MYH10: variants seen among roughly 807,000 people sequenced by gnomAD.
MYH10 encodes myosin-10.
MYH10 carries 55 observed loss-of-function variants against 257.8 expected under a neutral mutation model. That is an observed-to-expected ratio of 0.21 (90% CI 0.17 to 0.27). The LOEUF is 0.27. Among genes scored for constraint, MYH10 ranks in the 10% least tolerant of loss-of-function variants. The pLI is 1.00. For synonymous variants in MYH10, 854 were observed against 921.7 expected (o/e 0.93, Z 1.33); for missense variants, 1,631 against 2,500.6 (o/e 0.65, Z 7.42).
At chr17:8,588,938 A>G (rs1414645555) in intron 4 of MYH10, 143 bp downstream of exon 4, 7 of 778,094 alleles carry the variant, frequency 9.0e-6, no homozygotes, top group South Asian at 1.6e-5. Flanking sequence ...CAACTTACAT[A>G]ATCTTAGTCT....
chr17:8,518,104 C>CGTGTGTGTGTGTGTGTGTGTGT (rs58352961), intron 21 of MYH10, among the ~76,000 whole-genome samples: 1 of 116,516 alleles, frequency 8.6e-6, no homozygotes, highest in Non-Finnish European at 1.7e-5. Flanking sequence ...CCCTTGGCCC[C>CGTGTGTGTGTGTGTGTGTGTGT]GTGTGTGTGT....
chr17:8,478,552 G>T, intron 40 of MYH10, 106 bp from the exon 41 acceptor site: 1 of 978,682 alleles, frequency 1.0e-6, no homozygotes, highest in Middle Eastern at 2.1e-4. Flanking sequence ...ACATGGTGGA[G>T]GCATTATGGA....
chr17:8,609,118 A>G (rs1025288178), intron 2 of MYH10, among the ~76,000 whole-genome samples: 1 of 152,216 alleles, frequency 6.6e-6, no homozygotes, highest in Non-Finnish European at 1.5e-5. Context: ...GCCGATTGGG[A>G]AATTTTTCAG....
intron 1 of MYH10, among the ~76,000 whole-genome samples, chr17:8,629,341 C>T (rs1026041045): frequency 6.1e-5 from 9 of 148,120 alleles, no homozygotes; most frequent in Non-Finnish European, 8.9e-5. Flanking sequence ...TCCCCTACCC[C>T]ACCCCAGCCC....
chr17:8,541,755 T>A (rs2082295170), intron 14 of MYH10, among the ~76,000 whole-genome samples: 1 of 152,158 alleles, frequency 6.6e-6, no homozygotes. Flanking sequence ...CACGTCTTGT[T>A]CTCAGCTAAA....
intron 24 of MYH10, chr17:8,511,220 TAAACA>T (rs2081284005): frequency 6.6e-6 from 1 of 151,690 alleles, no homozygotes; most frequent in African/African-American, 2.4e-5. Context: ...AAAAAAAAGT[TAAACA>T]AAACAAAACC....
At chr17:8,514,553 C>T (rs1013956398) in intron 21 of MYH10, among the ~76,000 whole-genome samples, 3 of 152,112 alleles carry the variant, frequency 2.0e-5, no homozygotes, top group Non-Finnish European at 2.9e-5. Flanking sequence ...GGGTCTGAGA[C>T]CCAGTTCCCA....
At chr17:8,514,181 C>T (rs1027317644) in intron 21 of MYH10, among the ~76,000 whole-genome samples, 1 of 152,158 alleles carries the variant, frequency 6.6e-6, no homozygotes, top group Non-Finnish European at 1.5e-5. Flanking sequence ...AGCCATATAC[C>T]CACACTGCGC....
intron 3 of MYH10, among the ~76,000 whole-genome samples, chr17:8,592,508 A>C (rs996587200): frequency 6.6e-5 from 10 of 152,166 alleles, no homozygotes; most frequent in South Asian, 2.1e-4. Flanking sequence ...TAATAAGAAA[A>C]TATTAAGAAT....
chr17:8,599,174 T>C (rs1405187537), intron 3 of MYH10, among the ~76,000 whole-genome samples: 2 of 152,222 alleles, frequency 1.3e-5, no homozygotes, highest in Non-Finnish European at 2.9e-5. Context: ...TATTGCACTG[T>C]GGTCAGAGAA....
rs1471016731 is a variant in MYH10 at position 8,589,071 on chromosome 17, A to T, written c.530+10T>A. The T allele has an allele frequency of 6.2e-7, 1 of 1,613,168 alleles. No individual in the cohort carries two copies. Among genetic ancestry groups the T allele is most frequent in the African/African-American group, 1.3e-5 (1 of 74,880 alleles). On this transcript the variant is annotated intron_variant, in intron 4 of 42. Coordinates refer to ENST00000360416, the MANE Select transcript of MYH10 (RefSeq NM_001256012.3). ...TCAAAAACAAATCTGAACATTCAAC[A>T]TTTACTTACGTGCAAAGAATTGACT...
rs150354457 is a variant in MYH10 at position 8,533,109 on chromosome 17, G to A, written c.1894+2278C>T. 3.4e-4 allele frequency among the ~76,000 whole-genome samples: 51 copies of A among 151,974 alleles called. No homozygotes were observed. In the East Asian group the frequency reaches 8.3e-3, roughly 25 times the overall value. ...CCTGTTTCCCAGGCATCATCTCCAC[G>A]CCCACTGTCATCTTCAGTCGCCCCA... On this transcript the variant is annotated intron_variant, in intron 16 of 42. Transcript: ENST00000360416.
At chr17:8,503,530 A>G (rs970306216) in intron 28 of MYH10, among the ~76,000 whole-genome samples, 4 of 152,024 alleles carry the variant, frequency 2.6e-5, no homozygotes, top group African/African-American at 9.7e-5. Context: ...CCTCAGTCTC[A>G]CTGCTCTATC....
At position 8,478,348 on chromosome 17, in the gene MYH10, T is replaced by C. The variant is rs369706442; in HGVS notation, c.5696A>G (p.Tyr1899Cys). The C allele has an allele frequency of 9.9e-6, 16 of 1,613,852 alleles. No homozygotes were observed. Among genetic ancestry groups the C allele is most frequent in the Non-Finnish European group, 1.4e-5 (16 of 1,179,874 alleles). ...VEDERRHADQ[Y>C]KEQMEKANAR... ...CACTTCCTCGCGTACCTGCTCTTTA[T>C]ACTGGTCCGCGTGTCGACGCTCATC... Residue 1899 changes from tyrosine (Y) to cysteine (C), a missense_variant, in exon 41 of 43, where the codon TAT (tyrosine) becomes TGT (cysteine). Around this residue, in one of 11 missense-constraint regions of MYH10, gnomAD observed 343 missense variants for 389.5 expected, o/e 0.88. Coordinates refer to ENST00000360416, the MANE Select transcript of MYH10 (RefSeq NM_001256012.3).
rs2081556660 is a variant in MYH10, at chr17:8,518,756, T to G, written c.2379A>C (p.Arg793Ser). 1 of 1,614,038 alleles carries G rather than the reference T, an allele frequency of 6.2e-7. No individual in the cohort carries two copies. Among genetic ancestry groups the G allele is most frequent in the Non-Finnish European group, 8.5e-7 (1 of 1,179,976 alleles). The change falls in exon 21 of 43, where the codon AGA (arginine) becomes AGC (serine). Residue 793 changes from arginine to serine, a missense_variant. Physicochemically the swap from Arg to Ser is moderately radical, Grantham distance 110. Around this residue, in one of 11 missense-constraint regions of MYH10, gnomAD observed 116 missense variants for 221.6 expected, o/e 0.52. Coordinates refer to ENST00000360416, the MANE Select transcript of MYH10 (RefSeq NM_001256012.3). ...RALELDPNLY[R>S]IGQSKIFFRA... ...TGAAAAATATCTTGCTCTGTCCAAT[T>G]CTGTACAAGTTTGGGTCCAATTCTA...
chr17:8,484,817 G>T (rs1453832378), intron 36 of MYH10, among the ~76,000 whole-genome samples: 2 of 152,066 alleles, frequency 1.3e-5, no homozygotes, highest in African/African-American at 4.8e-5. Context: ...TCTGATTAAG[G>T]GCATCAATGA....
At chr17:8,493,693 C>CA (rs1291199361) in intron 32 of MYH10, 40 bp downstream of exon 32, 5 of 1,575,208 alleles carry the variant, frequency 3.2e-6, no homozygotes, top group Non-Finnish European at 3.4e-6. Context: ...GCTGAAGGCA[C>CA]ACATCGAGGC....
chr17:8,476,997 C>T lies in MYH10; in HGVS notation c.5758G>A (p.Ala1920Thr). ...TTGGCACGCGTCGCTTCTTCTTCTG[C>T]TTCCTCCAGCTGGCGTTTAAGCTGC... ...MKQLKRQLEE[A>T]EEEATRANAS... Residue 1920 changes from alanine (A) to threonine (T), a missense_variant, in exon 42 of 43, where the codon GCA becomes ACA. By Grantham distance (58) the Ala-to-Thr change is moderately conservative. Coordinates refer to ENST00000360416, the MANE Select transcript of MYH10 (RefSeq NM_001256012.3). 6.2e-7 allele frequency: 1 copy of T among 1,614,226 alleles called. No individual in the cohort carries two copies. Among genetic ancestry groups the T allele is most frequent in the African/African-American group, 1.3e-5 (1 of 75,078 alleles).
In MYH10 at chr17:8,493,785, T is replaced by G. The variant is rs767113622; in HGVS notation, c.4157A>C (p.Glu1386Ala). 3 of 1,614,000 alleles carry G rather than the reference T, an allele frequency of 1.9e-6. No homozygotes were observed. The highest frequency in any genetic ancestry group is 2.5e-6 in the Non-Finnish European group (3 of 1,179,950). Residue 1386 changes from glutamate (E) to alanine (A), a missense_variant, in exon 32 of 43, where the codon GAG (glutamate) becomes GCG (alanine). Physicochemically the swap from Glu to Ala is moderately radical, Grantham distance 107 (BLOSUM62 -1). This residue lies in a region of MYH10 where 463 missense variants were observed against 621.8 expected (regional missense o/e 0.74). Coordinates refer to ENST00000360416, the MANE Select transcript of MYH10 (RefSeq NM_001256012.3). ...CTCCAGGTTCTTCCTGGCCTCCTCC[T>G]CCTCCTCCTGCTGCTCCTGAAGACT... is the stretch of plus-strand genomic sequence containing the variant. The part of the protein sequence containing the change: ...KNSLQEQQEE[E>A]EEARKNLEKQ...
Sources: gnomAD v4.1 joint callset for allele counts (sites outside exome capture counted in the v4.1 genomes callset) on GRCh38, gnomAD v4.1.1 for gene constraint, gnomAD v4.1.1 regional missense constraint, MANE v1.5 for transcripts, NCBI Gene and HGNC (gene_info 2026-07-23, HGNC 2026-07-21) for gene names.